Variants in CFAP299 observed in about 807,000 individuals in gnomAD.
The protein encoded by CFAP299 is cilia and flagella associated protein 299.
A neutral mutation model predicts 27.0 loss-of-function variants in CFAP299; 21 were observed. That is an observed-to-expected ratio of 0.78 (90% CI 0.55 to 1.12). CFAP299 has a LOEUF of 1.12. CFAP299 is among the 50% of genes most tolerant of loss of function. CFAP299 has a pLI of 0.00. For missense variants in CFAP299, 310 were observed against 276.6 expected, an observed-to-expected ratio of 1.12 and a Z score of -0.86; for synonymous variants, 104 against 98.1, an observed-to-expected ratio of 1.06 and a Z score of -0.36.
At chr4:80,528,988 G>T (rs1733325387) in intron 2 of CFAP299, among the ~76,000 whole-genome samples, 1 of 151,968 alleles carries the variant, frequency 6.6e-6, no homozygotes, top group South Asian at 2.1e-4. Flanking sequence ...TTTTATTTCA[G>T]GCCATTGAAC....
chr4:80,754,474 G>C (rs375371396), intron 3 of CFAP299, among the ~76,000 whole-genome samples: 1 of 152,012 alleles, frequency 6.6e-6, no homozygotes, highest in Non-Finnish European at 1.5e-5. Flanking sequence ...GAGTATTGAA[G>C]AAGAGCCATC....
intron 3 of CFAP299, among the ~76,000 whole-genome samples, chr4:80,848,519 G>C (rs151152731): frequency 1.3e-5 from 2 of 152,194 alleles, no homozygotes; most frequent in East Asian, 1.9e-4. Context: ...TAAAAATATA[G>C]TATATTGGGC....
At chr4:80,432,306 C>T (rs935241485) in intron 2 of CFAP299, among the ~76,000 whole-genome samples, 4 of 151,896 alleles carry the variant, frequency 2.6e-5, no homozygotes, top group Non-Finnish European at 4.4e-5. Context: ...CACGCGCCAC[C>T]ATGGCTGGCT....
At chr4:80,872,257 G>A (rs1339528202) in intron 4 of CFAP299, 1 of 152,070 alleles carries the variant, frequency 6.6e-6, no homozygotes, top group East Asian at 1.9e-4. Context: ...TTCAAGTGGT[G>A]TCAGTCTAAT....
chr4:80,911,963 A>G (rs1038442007), intron 4 of CFAP299, among the ~76,000 whole-genome samples: 2 of 151,700 alleles, frequency 1.3e-5, no homozygotes, highest in African/African-American at 4.8e-5. Context: ...AAAAAAATAT[A>G]TGTACTGTAT....
At chr4:80,860,992 T>C (rs1242333735) in intron 3 of CFAP299, among the ~76,000 whole-genome samples, 2 of 152,238 alleles carry the variant, frequency 1.3e-5, no homozygotes, top group African/African-American at 4.8e-5. Context: ...TCTTTTTGTT[T>C]GTCTGTGCCC....
chr4:80,562,052 T>C (rs1222661838), intron 2 of CFAP299, among the ~76,000 whole-genome samples: 2 of 152,098 alleles, frequency 1.3e-5, no homozygotes, highest in African/African-American at 4.8e-5. Context: ...TTTGCTTGTT[T>C]ATGCAATCAG....
At chr4:80,669,340 A>T (rs1447242252) in intron 3 of CFAP299, among the ~76,000 whole-genome samples, 1 of 150,746 alleles carries the variant, frequency 6.6e-6, no homozygotes, top group East Asian at 1.9e-4. Flanking sequence ...TTTAGTAGAG[A>T]TGGGGTTTCA....
intron 2 of CFAP299, among the ~76,000 whole-genome samples, chr4:80,521,260 G>A (rs1303086893): frequency 1.3e-5 from 2 of 152,088 alleles, no homozygotes. Context: ...ATTAGGCACA[G>A]TATTTCCCTA....
At chr4:80,710,041 TAATACTAG>T (rs1722051928) in intron 3 of CFAP299, among the ~76,000 whole-genome samples, 2 of 152,172 alleles carry the variant, frequency 1.3e-5, no homozygotes, top group Non-Finnish European at 2.9e-5. Context: ...AAAGTGGGAA[TAATACTAG>T]CAAATGTAGC....
intron 3 of CFAP299, among the ~76,000 whole-genome samples, chr4:80,802,461 A>G (rs570055026): frequency 6.6e-6 from 1 of 152,110 alleles, no homozygotes; most frequent in African/African-American, 2.4e-5. Flanking sequence ...ACATGCTTTC[A>G]TTATTAGCTG....
chr4:80,687,099 A>T lies in CFAP299; in HGVS notation c.333+103916A>T, dbSNP rs142644581. Among the ~76,000 whole-genome samples, 600 of 152,320 alleles carry T rather than the reference A, an allele frequency of 3.9e-3. 5 individuals carry two copies. The highest frequency in any genetic ancestry group is 6.1e-3 in the Non-Finnish European group (415 of 68,028). Reference sequence around the variant, plus strand: ...ATTCCAACATCTGGCCCAACTTACCAGCCAACTTTCTCTCCTACTGATCTC... The same window carrying T: ...ATTCCAACATCTGGCCCAACTTACCTGCCAACTTTCTCTCCTACTGATCTC... On this transcript the variant is annotated intron_variant, in intron 3 of 5. Transcript: ENST00000358105.
chr4:80,608,208 A>G (rs1009635219), intron 3 of CFAP299: 3 of 582,302 alleles, frequency 5.2e-6, no homozygotes, highest in African/African-American at 3.7e-5. Flanking sequence ...GAGACTAAGT[A>G]ATTAGGAAAT....
chr4:80,923,961 G>A (rs887491945), intron 4 of CFAP299, among the ~76,000 whole-genome samples: 1 of 152,002 alleles, frequency 6.6e-6, no homozygotes, highest in Non-Finnish European at 1.5e-5. Flanking sequence ...CAGATGAAAT[G>A]ATTTGATATC....
At chr4:80,653,176 T>C (rs1480368241) in intron 3 of CFAP299, among the ~76,000 whole-genome samples, 1 of 152,082 alleles carries the variant, frequency 6.6e-6, no homozygotes, top group Non-Finnish European at 1.5e-5. Context: ...GAATGCATAG[T>C]TTTTCATACT....
At chr4:80,589,421 G>C (rs925917910) in intron 3 of CFAP299, among the ~76,000 whole-genome samples, 1 of 152,094 alleles carries the variant, frequency 6.6e-6, no homozygotes, top group African/African-American at 2.4e-5. Flanking sequence ...CTTCTGGGAA[G>C]AATTTATTTA....
intron 3 of CFAP299, among the ~76,000 whole-genome samples, chr4:80,725,111 A>ATTTTTTTTTT (rs70956062): frequency 2.8e-4 from 25 of 88,538 alleles, no homozygotes; most frequent in East Asian, 7.1e-4. Context: ...TGCCTGGCCA[A>ATTTTTTTTTT]TTTTTTTTTT....
chr4:80,733,845 A>G (rs1723690197), intron 3 of CFAP299, among the ~76,000 whole-genome samples: 1 of 152,046 alleles, frequency 6.6e-6, no homozygotes, highest in South Asian at 2.1e-4. Context: ...TAAGTACTAC[A>G]TTTTCCTTAT....
chr4:80,866,307 A>T (rs1053235428), intron 3 of CFAP299, among the ~76,000 whole-genome samples: 5 of 151,780 alleles, frequency 3.3e-5, no homozygotes, highest in Non-Finnish European at 7.4e-5. Flanking sequence ...TAATAACCAG[A>T]ATTCTAATTG....
Sources: gnomAD v4.1 joint callset for allele counts (sites outside exome capture counted in the v4.1 genomes callset) on GRCh38, gnomAD v4.1.1 for gene constraint, MANE v1.5 for transcripts, NCBI Gene and HGNC (gene_info 2026-07-23, HGNC 2026-07-21) for gene names.